Variants in CHLSN observed in about 807,000 individuals in gnomAD.
CHLSN encodes the protein protein cholesin.
the CHLSN span, among the ~76,000 whole-genome samples, chr7:1,075,677 A>G: frequency 6.7e-6 from 1 of 149,328 alleles, no homozygotes; most frequent in Non-Finnish European, 1.5e-5. Flanking sequence ...CAGTGGCGCA[A>G]TCTCAGCTCA....
chr7:1,006,553 G>GCAGGGAAAGAGCGCACGACGGCCACAGCA, the CHLSN span, among the ~76,000 whole-genome samples: 2 of 143,680 alleles, frequency 1.4e-5, 1 homozygote, highest in African/African-American at 5.2e-5. Flanking sequence ...CGGCCACAGC[G>GCAGGGAAAGAGCGCACGACGGCCACAGCA]CAGGGAAAGA....
chr7:1,066,462 A>G, the CHLSN span, among the ~76,000 whole-genome samples: 1 of 152,238 alleles, frequency 6.6e-6, no homozygotes, highest in Non-Finnish European at 1.5e-5. Context: ...GCCCTGCTCA[A>G]CAGCCTTTCC....
chr7:1,065,980 G>A, the CHLSN span, among the ~76,000 whole-genome samples: 1 of 152,252 alleles, frequency 6.6e-6, no homozygotes, highest in Non-Finnish European at 1.5e-5. Flanking sequence ...GGCCCCACCA[G>A]GAGAGCAGGG....
chr7:998,860 T>C, the CHLSN span, among the ~76,000 whole-genome samples: 2 of 152,246 alleles, frequency 1.3e-5, no homozygotes, highest in South Asian at 2.1e-4. Flanking sequence ...AATGGACTCT[T>C]AGGCTTTCAT....
chr7:1,102,548 T>C, the CHLSN span, among the ~76,000 whole-genome samples: 1 of 152,012 alleles, frequency 6.6e-6, no homozygotes, highest in Non-Finnish European at 1.5e-5. Flanking sequence ...TTTCAAACCA[T>C]GCCCACCTTC....
chr7:1,093,325 C>A, the CHLSN span: 903 of 423,418 alleles, frequency 2.1e-3, 4 homozygotes, highest in Non-Finnish European at 3.6e-3. Flanking sequence ...TGGGTCTGAG[C>A]TGGACGTCGC....
the CHLSN span, among the ~76,000 whole-genome samples, chr7:1,129,584 C>A: frequency 6.6e-6 from 1 of 152,220 alleles, no homozygotes; most frequent in South Asian, 2.1e-4. Context: ...CAGCTGTAAC[C>A]ACAGGCGCAT....
chr7:987,626 C>T, the CHLSN span: 2 of 1,224,366 alleles, frequency 1.6e-6, no homozygotes, highest in Non-Finnish European at 2.2e-6. Flanking sequence ...CTGGTGGGTG[C>T]CTGATGGCCC....
chr7:987,440 T>G, the CHLSN span: 140 of 1,588,208 alleles, frequency 8.8e-5, 1 homozygote, highest in Admixed American at 2.3e-3. Context: ...AGCGCCGTGC[T>G]CCACGAGGTG....
the CHLSN span, among the ~76,000 whole-genome samples, chr7:993,152 G>C: frequency 6.6e-6 from 1 of 152,202 alleles, no homozygotes; most frequent in Non-Finnish European, 1.5e-5. Flanking sequence ...AGCCAGCAGG[G>C]GTACGAGTGC....
the CHLSN span, among the ~76,000 whole-genome samples, chr7:1,034,049 C>G: frequency 6.6e-6 from 1 of 152,242 alleles, no homozygotes; most frequent in Admixed American, 6.5e-5. Context: ...CAGGAAATCT[C>G]AGAGAATCTA....
chr7:985,851 C>G, the CHLSN span, among the ~76,000 whole-genome samples: 2 of 152,198 alleles, frequency 1.3e-5, no homozygotes, highest in Non-Finnish European at 2.9e-5. Context: ...ACGGCTGGAC[C>G]CAGAGACCAC....
At chr7:1,124,745 CAAA>C in the CHLSN span, among the ~76,000 whole-genome samples, 21 of 122,134 alleles carry the variant, frequency 1.7e-4, no homozygotes, top group Middle Eastern at 4.1e-3. Flanking sequence ...TAAAAAAGCA[CAAA>C]AAAAAAAAAA....
the CHLSN span, among the ~76,000 whole-genome samples, chr7:985,717 C>T: frequency 2.0e-5 from 3 of 152,236 alleles, no homozygotes; most frequent in Non-Finnish European, 4.4e-5. Flanking sequence ...AAAGTTCACC[C>T]CTCTGATGTT....
the CHLSN span, chr7:986,746 C>T: frequency 3.1e-6 from 5 of 1,606,020 alleles, no homozygotes; most frequent in South Asian, 1.1e-5. Context: ...CCCACGTGTG[C>T]CCGGGGGACC....
the CHLSN span, chr7:1,044,584 C>T: frequency 3.3e-5 from 5 of 150,752 alleles, no homozygotes; most frequent in Non-Finnish European, 4.4e-5. Flanking sequence ...GCGTGCGCGC[C>T]GTGAGCCCCG....
chr7:978,600 G>A, the CHLSN span, among the ~76,000 whole-genome samples: 2 of 152,202 alleles, frequency 1.3e-5, no homozygotes, highest in African/African-American at 2.4e-5. Flanking sequence ...ATTTCCACCC[G>A]GATCCCCAGA....
At chr7:993,865 G>C in the CHLSN span, among the ~76,000 whole-genome samples, 1 of 152,200 alleles carries the variant, frequency 6.6e-6, no homozygotes, top group African/African-American at 2.4e-5. Flanking sequence ...TCTTGGTGGA[G>C]TGAGCAGACG....
At chr7:1,095,499 A>G in the CHLSN span, among the ~76,000 whole-genome samples, 1 of 152,228 alleles carries the variant, frequency 6.6e-6, no homozygotes, top group Admixed American at 6.5e-5. Flanking sequence ...ACTACCTGTC[A>G]GGCATTCCCC....
Sources: allele counts gnomAD v4.1 joint callset (sites outside exome capture counted in the v4.1 genomes callset), GRCh38; gene constraint gnomAD v4.1.1; transcripts MANE v1.5; gene names NCBI Gene and HGNC (gene_info 2026-07-23, HGNC 2026-07-21).